The following EYS variants were observed in gnomAD, a reference collection of about 807,000 sequenced individuals.
EYS encodes the protein protein eyes shut homolog.
In EYS, 250 loss-of-function variants were observed where a neutral mutation model predicts 282.1. The ratio of observed to expected loss-of-function variants is 0.89; its 90% confidence interval spans 0.80 to 0.98. The LOEUF (loss-of-function observed/expected upper bound fraction) is 0.98, where lower values mean the gene tolerates loss of function less well. Ranked by LOEUF, EYS falls within the 50% of genes least tolerant of loss-of-function variation. The pLI, the probability that EYS is intolerant of heterozygous loss-of-function variation, is 0.00. For synonymous variants in EYS, 1,355 were observed against 1,282.9 expected, an observed-to-expected ratio of 1.06 and a Z score of -1.20; for missense variants, 4,016 against 3,709.0, an observed-to-expected ratio of 1.08 and a Z score of -2.15.
rs1482326165 is a variant in EYS, at chr6:65,248,393, T to TG, written c.2023+47469dup. On this transcript the variant is annotated intron_variant, in intron 12 of 42. Coordinates refer to ENST00000503581, the MANE Select transcript of EYS (RefSeq NM_001142800.2). ...TGGCAGACCTGTCAGGAAGAGGAGA[T>TG]GGGGGTGCATGGAAGTGAGCTTGTT... Among the ~76,000 whole-genome samples the TG allele has an allele frequency of 6.6e-5, 10 of 152,068 alleles. No homozygotes were observed. In the East Asian group the frequency reaches 1.7e-3, roughly 27 times the overall value.
At chr6:65,015,255 A>G (rs1772003693) in intron 13 of EYS, among the ~76,000 whole-genome samples, 1 of 152,254 alleles carries the variant, frequency 6.6e-6, no homozygotes, top group Non-Finnish European at 1.5e-5. Context: ...AGTATTTAAG[A>G]CATCACTATT....
intron 30 of EYS, among the ~76,000 whole-genome samples, chr6:64,293,239 A>C (rs924173692): frequency 3.9e-5 from 6 of 152,106 alleles, no homozygotes; most frequent in Non-Finnish European, 8.8e-5. Context: ...ATGTGTACAA[A>C]CATTTAAAAT....
At chr6:64,517,425 A>G (rs1005342706) in intron 26 of EYS, among the ~76,000 whole-genome samples, 2 of 151,916 alleles carry the variant, frequency 1.3e-5, no homozygotes, top group African/African-American at 4.8e-5. Flanking sequence ...ATGTATGGCA[A>G]TAACTGGGTA....
At chr6:64,263,969 A>G (rs531819337) in intron 30 of EYS, among the ~76,000 whole-genome samples, 15 of 152,300 alleles carry the variant, frequency 9.8e-5, no homozygotes, top group African/African-American at 3.6e-4. Context: ...ATGTAGGACT[A>G]TATTTACAAA....
chr6:65,286,680 G>A (rs1234166425), intron 12 of EYS, among the ~76,000 whole-genome samples: 8 of 151,478 alleles, frequency 5.3e-5, no homozygotes, highest in African/African-American at 1.9e-4. Flanking sequence ...TGAATAAAAA[G>A]GGAAGAAAAA....
Position 64,403,733 on chromosome 6 carries a change from ATGT to A in EYS, c.5928-14896_5928-14894del, listed in dbSNP as rs373441439. ...GCAATCCTGAAAAGAATATTGGGTC[ATGT>A]TGTGAACACCTCCAAGCCTTCCTCA... is the stretch of plus-strand genomic sequence containing the variant. On this transcript the variant is annotated intron_variant, in intron 28 of 42. Coordinates refer to ENST00000503581, the MANE Select transcript of EYS (RefSeq NM_001142800.2). 2.3e-4 allele frequency among the ~76,000 whole-genome samples: 35 copies of A among 152,306 alleles called. No homozygotes were observed. The East Asian group carries it at 5.8e-3, about 25-fold the overall frequency.
intron 14 of EYS, among the ~76,000 whole-genome samples, chr6:64,971,759 A>C (rs1770302891): frequency 6.6e-6 from 1 of 152,156 alleles, no homozygotes; most frequent in Admixed American, 6.6e-5. Context: ...TTAATTACAC[A>C]CAGTACTCTC....
At chr6:65,172,863 A>G (rs1406658929) in intron 12 of EYS, among the ~76,000 whole-genome samples, 1 of 151,242 alleles carries the variant, frequency 6.6e-6, no homozygotes, top group Non-Finnish European at 1.5e-5. Flanking sequence ...ATTAAAACAT[A>G]GAAGACATAG....
At chr6:64,358,615 G>T (rs146747544) in intron 29 of EYS, among the ~76,000 whole-genome samples, 196 of 151,658 alleles carry the variant, frequency 1.3e-3, no homozygotes, top group African/African-American at 4.5e-3. Flanking sequence ...TTGGAAGTTG[G>T]CTCTCTTCAC....
At chr6:65,087,883 T>C (rs187640250) in intron 12 of EYS, among the ~76,000 whole-genome samples, 6 of 152,238 alleles carry the variant, frequency 3.9e-5, no homozygotes, top group Admixed American at 3.9e-4. Context: ...AATCCACATG[T>C]GTTAAGGGTT....
At chr6:64,693,345 A>G (rs902466725) in intron 22 of EYS, among the ~76,000 whole-genome samples, 7 of 152,062 alleles carry the variant, frequency 4.6e-5, no homozygotes, top group Admixed American at 6.6e-5. Context: ...AAATATTTCT[A>G]AAAATTTATA....
chr6:64,337,975 C>A (rs988740793), intron 29 of EYS, among the ~76,000 whole-genome samples: 1 of 151,704 alleles, frequency 6.6e-6, no homozygotes, highest in Non-Finnish European at 1.5e-5. Context: ...ACAAGGGACA[C>A]ACCTTAGTGT....
At chr6:64,262,519 T>C (rs1428569660) in intron 30 of EYS, among the ~76,000 whole-genome samples, 1 of 151,972 alleles carries the variant, frequency 6.6e-6, no homozygotes, top group African/African-American at 2.4e-5. Context: ...ATATGAATAG[T>C]ATGCTTTTTA....
At chr6:64,763,369 C>T (rs1020890963) in intron 22 of EYS, among the ~76,000 whole-genome samples, 6 of 152,122 alleles carry the variant, frequency 3.9e-5, no homozygotes, top group Non-Finnish European at 5.9e-5. Flanking sequence ...CAAGCTCCTT[C>T]TTCATATGGT....
intron 31 of EYS, among the ~76,000 whole-genome samples, chr6:64,083,058 G>A (rs918522493): frequency 5.9e-5 from 9 of 151,934 alleles, no homozygotes; most frequent in African/African-American, 2.2e-4. Flanking sequence ...ACAGGTGTGT[G>A]CCAACACGCC....
intron 31 of EYS, among the ~76,000 whole-genome samples, chr6:64,120,118 T>C (rs1270291674): frequency 1.3e-5 from 2 of 151,064 alleles, no homozygotes; most frequent in Non-Finnish European, 3.0e-5. Context: ...GAGGCCAAGG[T>C]GGGCAGATCA....
chr6:64,768,258 A>T (rs2149983852), intron 22 of EYS, among the ~76,000 whole-genome samples: 1 of 152,306 alleles, frequency 6.6e-6, no homozygotes, highest in Admixed American at 6.5e-5. Context: ...CAAAGTATTT[A>T]TTAAAAATAA....
At chr6:64,846,123 GA>G (rs1164871579) in intron 19 of EYS, among the ~76,000 whole-genome samples, 2 of 152,042 alleles carry the variant, frequency 1.3e-5, no homozygotes, top group Non-Finnish European at 2.9e-5. Context: ...AAGTAAAGTA[GA>G]ATCCACATTT....
chr6:63,983,037 T>G (rs146116410), intron 35 of EYS, among the ~76,000 whole-genome samples: 10 of 151,870 alleles, frequency 6.6e-5, no homozygotes, highest in Middle Eastern at 3.4e-3. Context: ...TGAAAAACAA[T>G]TGGTATTAGT....
Sources: gnomAD v4.1 joint callset for allele counts (sites outside exome capture counted in the v4.1 genomes callset) on GRCh38, gnomAD v4.1.1 for gene constraint, MANE v1.5 for transcripts, NCBI Gene and HGNC (gene_info 2026-07-23, HGNC 2026-07-21) for gene names.